The following USP6NL variants were observed in gnomAD, a reference collection of about 807,000 sequenced individuals.
The protein encoded by USP6NL is USP6 N-terminal like, also known as USP6 N-terminal-like protein.
Under a neutral mutation model 61.9 loss-of-function variants are expected in USP6NL, and 26 were observed. The ratio of observed to expected loss-of-function variants is 0.42; its 90% CI spans 0.31 to 0.58. USP6NL has a LOEUF of 0.58. Among genes scored for constraint, USP6NL ranks in the 20% least tolerant of loss-of-function variants. USP6NL has a pLI of 0.16. For missense variants in USP6NL, 1,114 were observed against 1,034.3 expected, an observed-to-expected ratio of 1.08 and a Z score of -1.06; for synonymous variants, 432 against 390.1, an observed-to-expected ratio of 1.11 and a Z score of -1.27.
intron 2 of USP6NL, among the ~76,000 whole-genome samples, chr10:11,558,911 T>C (rs903524322): frequency 7.2e-5 from 11 of 152,184 alleles, no homozygotes; most frequent in African/African-American, 2.4e-4. Flanking sequence ...TATTTGGTAA[T>C]TGCCTAGATG....
At chr10:11,486,242 T>C (rs1269406694) in intron 10 of USP6NL, among the ~76,000 whole-genome samples, 2 of 151,968 alleles carry the variant, frequency 1.3e-5, no homozygotes, top group Non-Finnish European at 1.5e-5. Flanking sequence ...TAAATGCATA[T>C]ATTTGTAATA....
Position 11,608,772 on chromosome 10 carries a change from G to A in USP6NL, c.-84+2671C>T, listed in dbSNP as rs138530344. 1.7e-3 allele frequency among the ~76,000 whole-genome samples: 266 copies of A among 152,268 alleles called. 1 individual carries two copies. The highest frequency in any genetic ancestry group is 2.8e-3 in the Non-Finnish European group (191 of 68,034). On this transcript the variant is annotated intron_variant, in intron 1 of 14. Coordinates refer to ENST00000609104, the MANE Select transcript of USP6NL (RefSeq NM_014688.5). The stretch of plus-strand genomic sequence containing the variant: ...GTTGAATAAACACGTTTGAATTTAC[G>A]ATCCTCCCCAATTTTACAAAGAAAT...
chr10:11,487,711 A>T lies in USP6NL; in HGVS notation c.664+1391T>A, dbSNP rs1253758149. On this transcript the variant is annotated intron_variant, in intron 10 of 14. Coordinates refer to ENST00000609104, the MANE Select transcript of USP6NL (RefSeq NM_014688.5). The surrounding 1 kb of genome is among the most constrained non-coding windows in gnomAD (Gnocchi z 4.2). ...TTTAGAGCCTATTTACTAGATGCAA[A>T]GCGCCCAGACCCAGTTACCATGCAG... Among the ~76,000 whole-genome samples the T allele has an allele frequency of 6.6e-6, 1 of 152,210 alleles. No individual in the cohort carries two copies. Among genetic ancestry groups the T allele is most frequent in the African/African-American group, 2.4e-5 (1 of 41,456 alleles).
In USP6NL at chr10:11,463,653, G is replaced by A. The variant is rs201443749; in HGVS notation, c.1275C>T (p.Pro425=). 64 of 1,613,674 alleles carry A rather than the reference G, an allele frequency of 4.0e-5. No individual in the cohort carries two copies. Among genetic ancestry groups the A allele is most frequent in the Non-Finnish European group, 2.2e-5 (26 of 1,179,872 alleles). The part of the protein sequence containing the change: ...SPHPQSRTGT[P]ERAQPPRRKS... ...TCCGTCTTGGCGGCTGTGCTCTCTC[G>A]GGCGTCCCGGTCCTGCTCTGGGGGT... The change falls in exon 15 of 15, where the codon CCC becomes CCT. Residue 425 remains proline (P), a synonymous_variant. Transcript: ENST00000609104. The surrounding 1 kb of genome is among the most constrained non-coding windows in gnomAD (Gnocchi z 6.3).
intron 2 of USP6NL, among the ~76,000 whole-genome samples, chr10:11,560,663 G>A (rs944249584): frequency 7.8e-5 from 11 of 140,496 alleles, no homozygotes; most frequent in Non-Finnish European, 1.4e-4. Flanking sequence ...AGACTCAAAG[G>A]TAAACAAAGA....
At chr10:11,603,955 T>C (rs1346546150) in intron 1 of USP6NL, among the ~76,000 whole-genome samples, 3 of 152,182 alleles carry the variant, frequency 2.0e-5, no homozygotes, top group Non-Finnish European at 4.4e-5. Flanking sequence ...CTATAAGCCT[T>C]GCAGGGAAAT....
chr10:11,564,105 A>C (rs1837037679), intron 2 of USP6NL: 1 of 152,256 alleles, frequency 6.6e-6, no homozygotes, highest in Admixed American at 6.5e-5. Flanking sequence ...GGTAACAGTC[A>C]TTAAAAGCGC....
intron 2 of USP6NL, among the ~76,000 whole-genome samples, chr10:11,529,619 TA>T (rs1835565616): frequency 6.6e-6 from 1 of 152,194 alleles, no homozygotes; most frequent in African/African-American, 2.4e-5. Context: ...AATGATTCAA[TA>T]AAATAAAAAT....
At chr10:11,582,232 C>T (rs933013057) in intron 2 of USP6NL, among the ~76,000 whole-genome samples, 3 of 152,230 alleles carry the variant, frequency 2.0e-5, no homozygotes, top group Non-Finnish European at 4.4e-5. Context: ...TCCCAAAGTG[C>T]TGGGATTACA....
chr10:11,518,968 A>G lies in USP6NL; in HGVS notation c.156-394T>C, dbSNP rs759759749. On this transcript the variant is annotated intron_variant, in intron 4 of 14. Transcript: ENST00000609104. This position sits in a 1 kb window ranked among gnomAD's most constrained non-coding sequence, Gnocchi z 5.3. ...ATCACTGCAGAAAGGTCCACTGGAC[A>G]GCACTGCTCCAGACTAGGAGTGAGC... Among the ~76,000 whole-genome samples the G allele has an allele frequency of 1.3e-5, 2 of 152,254 alleles. No individual in the cohort carries two copies. The highest frequency in any genetic ancestry group is 2.9e-5 in the Non-Finnish European group (2 of 68,054).
Position 11,463,257 on chromosome 10 carries a change from C to G in USP6NL, c.1671G>C (p.Pro557=). The change falls in exon 15 of 15, where the codon CCG becomes CCC. Residue 557 remains proline (P), a synonymous_variant. Coordinates refer to ENST00000609104, the MANE Select transcript of USP6NL (RefSeq NM_014688.5). This position sits in a 1 kb window ranked among gnomAD's most constrained non-coding sequence, Gnocchi z 6.3. ...CCACGGAAGCGCCGCTGTCCAGCTC[C>G]GGGCCTGGCACGTTGTCGTACTGCG... is the stretch of plus-strand genomic sequence containing the variant. ...TASQYDNVPG[P]ELDSGASVEE... The G allele has an allele frequency of 6.2e-7, 1 of 1,613,652 alleles. No homozygotes were observed. Among genetic ancestry groups the G allele is most frequent in the Non-Finnish European group, 8.5e-7 (1 of 1,179,896 alleles).
chr10:11,551,095 AT>A (rs150111251), intron 2 of USP6NL, among the ~76,000 whole-genome samples: 12 of 152,326 alleles, frequency 7.9e-5, no homozygotes, highest in African/African-American at 2.9e-4. Context: ...TAGATATAAA[AT>A]TGTATCATAC....
intron 2 of USP6NL, among the ~76,000 whole-genome samples, chr10:11,571,272 G>C (rs1056842263): frequency 2.0e-5 from 3 of 151,878 alleles, no homozygotes; most frequent in Non-Finnish European, 4.4e-5. Context: ...TTTCAGTAGA[G>C]ACATGGTTTC....
intron 13 of USP6NL, among the ~76,000 whole-genome samples, chr10:11,483,898 A>G (rs2133233860): frequency 6.6e-6 from 1 of 152,294 alleles, no homozygotes; most frequent in East Asian, 1.9e-4. Flanking sequence ...ACATAACAAA[A>G]GTGCTTTTAA....
rs1159415088 is a variant in USP6NL, at chr10:11,476,457, A to G, written c.1078+5313T>C. Among the ~76,000 whole-genome samples, 1 of 152,230 alleles carries G rather than the reference A, an allele frequency of 6.6e-6. No homozygotes were observed. The highest frequency in any genetic ancestry group is 1.5e-5 in the Non-Finnish European group (1 of 68,042). On this transcript the variant is annotated intron_variant, in intron 14 of 14. Transcript: ENST00000609104. This position sits in a 1 kb window ranked among gnomAD's most constrained non-coding sequence, Gnocchi z 4.3. ...TTTCCTTACTTCTGAATATGTTTGA[A>G]AAGTTTCACAATAAAAAAGTTTCAA...
At chr10:11,577,423 C>T (rs916983411) in intron 2 of USP6NL, among the ~76,000 whole-genome samples, 3 of 151,984 alleles carry the variant, frequency 2.0e-5, no homozygotes, top group Admixed American at 6.6e-5. Flanking sequence ...CTATTGAAAA[C>T]GGAGTCTCTT....
rs559805544 is a variant in USP6NL, at chr10:11,609,602, TTTTG to T, written c.-84+1837_-84+1840del. ...TCCTCACACTTTCTAATCAGAGTAATTTTGTTTGTTTTCAGTTTGCTACTAGCTT... is the reference window on the plus strand; with the variant it reads ...TCCTCACACTTTCTAATCAGAGTAATTTTGTTTTCAGTTTGCTACTAGCTT... On this transcript the variant is annotated intron_variant, in intron 1 of 14. Transcript: ENST00000609104. Among the ~76,000 whole-genome samples, 681 of 152,320 alleles carry T rather than the reference TTTTG, an allele frequency of 4.5e-3. 4 individuals are homozygous for T. The highest frequency in any genetic ancestry group is 5.7e-3 in the Non-Finnish European group (389 of 68,028).
At chr10:11,473,433 G>A (rs990861542) in intron 14 of USP6NL, among the ~76,000 whole-genome samples, 1 of 152,196 alleles carries the variant, frequency 6.6e-6, no homozygotes, top group African/African-American at 2.4e-5. Flanking sequence ...TGTGGGTTTG[G>A]GGAGGCCAGG....
rs1837459438 is a variant in USP6NL at position 11,574,098 on chromosome 10, C to T, written c.4+23533G>A. The stretch of plus-strand genomic sequence containing the variant: ...AAATTTTCACAGTGCATCACAGATG[C>T]TATGTGCAAGTTTTTAAGTAGTCAA... On this transcript the variant is annotated intron_variant, in intron 2 of 14. Transcript: ENST00000609104. This position sits in a 1 kb window ranked among gnomAD's most constrained non-coding sequence, Gnocchi z 4.3. 6.6e-6 allele frequency among the ~76,000 whole-genome samples: 1 copy of T among 152,218 alleles called. No individual in the cohort carries two copies. Among genetic ancestry groups the T allele is most frequent in the East Asian group, 1.9e-4 (1 of 5,204 alleles).
Sources: allele counts gnomAD v4.1 joint callset (sites outside exome capture counted in the v4.1 genomes callset), GRCh38; gene constraint gnomAD v4.1.1; non-coding constraint Gnocchi (gnomAD v3.1); transcripts MANE v1.5; gene names NCBI Gene and HGNC (gene_info 2026-07-23, HGNC 2026-07-21).